PACRG: variants seen among roughly 807,000 people sequenced by gnomAD.
PACRG encodes the protein parkin coregulated gene protein.
A neutral mutation model predicts 29.7 loss-of-function variants in PACRG; 29 were observed. That is an observed-to-expected ratio of 0.98 (90% confidence interval 0.73 to 1.33). PACRG has a LOEUF of 1.33. Among genes scored for constraint, PACRG ranks in the 40% most tolerant of loss-of-function variants. PACRG has a pLI of 0.00. For synonymous variants in PACRG, 116 were observed against 118.7 expected (o/e 0.98, Z 0.15); for missense variants, 279 against 316.2 (o/e 0.88, Z 0.89).
intron 4 of PACRG, among the ~76,000 whole-genome samples, chr6:163,160,060 T>C (rs1377925520): frequency 6.6e-6 from 1 of 152,210 alleles, no homozygotes; most frequent in Admixed American, 6.5e-5. Context: ...TCGCTGTGTG[T>C]TGGGAATCAC....
intron 2 of PACRG, among the ~76,000 whole-genome samples, chr6:162,947,614 A>ATATATATATATATGAT (rs1799290898): frequency 6.6e-5 from 1 of 15,054 alleles, no homozygotes; most frequent in Admixed American, 6.8e-4. Flanking sequence ...ATATAATCAT[A>ATATATATATATATGAT]TATATATATA....
At chr6:162,983,799 T>C (rs1210009414) in intron 2 of PACRG, among the ~76,000 whole-genome samples, 2 of 152,002 alleles carry the variant, frequency 1.3e-5, no homozygotes, top group Non-Finnish European at 2.9e-5. Flanking sequence ...GACAACTTTT[T>C]TGTGACAAAT....
rs1585302581 is a variant in PACRG, at chr6:163,179,395, A to T, written c.613+89987A>T. 7 of 5,806 alleles carry T rather than the reference A, an allele frequency of 1.2e-3. No homozygotes were observed. In the East Asian group the frequency reaches 0.028, roughly 23 times the overall value. The allele number at this position is 5,806 out of a possible 1,614,324, so 0.4% of individuals were successfully genotyped here. On this transcript the variant is annotated intron_variant, in intron 4 of 4. Coordinates refer to ENST00000366888, the MANE Select transcript of PACRG (RefSeq NM_001080379.2). The stretch of plus-strand genomic sequence containing the variant: ...CTACTCATTTGGTGTTCTTTAAATT[A>T]AAAAAAAAAAAAAAAAACTTCTGGC...
At chr6:163,215,317 G>T (rs978849633) in intron 4 of PACRG, among the ~76,000 whole-genome samples, 1 of 152,118 alleles carries the variant, frequency 6.6e-6, no homozygotes, top group African/African-American at 2.4e-5. Context: ...TCATTCCATG[G>T]AAAGTGGAAT....
intron 2 of PACRG, among the ~76,000 whole-genome samples, chr6:163,000,370 T>G (rs1404994261): frequency 6.6e-6 from 1 of 152,172 alleles, no homozygotes; most frequent in Non-Finnish European, 1.5e-5. Context: ...CTGAGAACAC[T>G]GTTGGAGATC....
chr6:162,905,272 C>A (rs73786132), intron 2 of PACRG, among the ~76,000 whole-genome samples: 5,843 of 152,182 alleles, frequency 0.038, 387 homozygotes, highest in African/African-American at 0.13. Flanking sequence ...AGGAGAGCTG[C>A]CTGTACTATC....
At chr6:162,962,787 A>G (rs1237981086) in intron 2 of PACRG, among the ~76,000 whole-genome samples, 1 of 152,240 alleles carries the variant, frequency 6.6e-6, no homozygotes, top group African/African-American at 2.4e-5. Context: ...GACAGGTCAC[A>G]TGCTACAAAT....
intron 2 of PACRG, among the ~76,000 whole-genome samples, chr6:163,041,616 C>T (rs1010710385): frequency 1.3e-5 from 2 of 152,170 alleles, no homozygotes; most frequent in East Asian, 1.9e-4. Flanking sequence ...CTCTTTCCTT[C>T]GTAAATTACC....
At chr6:163,150,655 C>T (rs1378600640) in intron 4 of PACRG, among the ~76,000 whole-genome samples, 2 of 152,348 alleles carry the variant, frequency 1.3e-5, no homozygotes, top group South Asian at 2.1e-4. Flanking sequence ...TATTTGCTCC[C>T]TCTGTGCTCC....
chr6:162,882,609 C>G (rs1793984969), intron 2 of PACRG, among the ~76,000 whole-genome samples: 1 of 152,180 alleles, frequency 6.6e-6, no homozygotes, highest in South Asian at 2.1e-4. Flanking sequence ...AAGCTCACCT[C>G]CTGGGTATGG....
chr6:162,900,100 C>G (rs1005578469), intron 2 of PACRG, among the ~76,000 whole-genome samples: 1 of 152,042 alleles, frequency 6.6e-6, no homozygotes, highest in Non-Finnish European at 1.5e-5. Context: ...AGAACTGATG[C>G]TCTGGTATCA....
chr6:163,180,247 G>C (rs1261078484), intron 4 of PACRG, among the ~76,000 whole-genome samples: 1 of 152,220 alleles, frequency 6.6e-6, no homozygotes, highest in Admixed American at 6.5e-5. Flanking sequence ...AAAGCCAGGA[G>C]TGAGTCCCTC....
At chr6:162,970,480 G>A (rs1414127500) in intron 2 of PACRG, among the ~76,000 whole-genome samples, 1 of 152,122 alleles carries the variant, frequency 6.6e-6, no homozygotes, top group Non-Finnish European at 1.5e-5. Context: ...GAAGAAACCA[G>A]CTGCTTTCCT....
At chr6:163,282,230 C>G (rs988910226) in intron 4 of PACRG, among the ~76,000 whole-genome samples, 2 of 152,088 alleles carry the variant, frequency 1.3e-5, no homozygotes, top group Non-Finnish European at 2.9e-5. Context: ...AATATACACA[C>G]AGACTTAAGA....
In PACRG at chr6:162,937,200, G is replaced by A. The variant is rs186978128; in HGVS notation, c.291+122919G>A. Among the ~76,000 whole-genome samples, 11 of 152,158 alleles carry A rather than the reference G, an allele frequency of 7.2e-5. No homozygotes were observed. In the East Asian group the frequency reaches 1.7e-3, roughly 24 times the overall value. On this transcript the variant is annotated intron_variant, in intron 2 of 4. Transcript: ENST00000366888. ...TCAATAGAAATATAATATGAATCAC[G>A]TATTATTTTATATTCTTCTAGTAGC...
chr6:163,111,819 C>A (rs1198724699), intron 4 of PACRG, among the ~76,000 whole-genome samples: 4 of 152,186 alleles, frequency 2.6e-5, no homozygotes, highest in Non-Finnish European at 5.9e-5. Flanking sequence ...GACGTGCTTG[C>A]AAGCTTGGGT....
chr6:163,135,058 A>G (rs1816874526), intron 4 of PACRG, among the ~76,000 whole-genome samples: 1 of 152,044 alleles, frequency 6.6e-6, no homozygotes, highest in Admixed American at 6.6e-5. Flanking sequence ...GAAACAATAC[A>G]TTTTTCACGT....
chr6:163,229,372 C>T (rs1195424228), intron 4 of PACRG, among the ~76,000 whole-genome samples: 3 of 152,098 alleles, frequency 2.0e-5, no homozygotes. Context: ...AAGACAAAAC[C>T]ACCACCACCA....
intron 4 of PACRG, among the ~76,000 whole-genome samples, chr6:163,158,351 CCT>C (rs1778404804): frequency 1.3e-5 from 2 of 152,126 alleles, no homozygotes; most frequent in Admixed American, 6.6e-5. Context: ...CTTGTGCATG[CCT>C]GGTTGAGCTG....
Sources: allele counts gnomAD v4.1 joint callset (sites outside exome capture counted in the v4.1 genomes callset), GRCh38; gene constraint gnomAD v4.1.1; transcripts MANE v1.5; gene names NCBI Gene and HGNC (gene_info 2026-07-23, HGNC 2026-07-21).